Variants in RAB30 observed in about 807,000 individuals in gnomAD.
RAB30 encodes the protein ras-related protein Rab-30.
RAB30 carries 9 observed loss-of-function variants against 25.1 expected under a neutral mutation model. The ratio of observed to expected loss-of-function variants is 0.36; its 90% CI spans 0.22 to 0.63. RAB30 has a LOEUF of 0.63. RAB30 is among the 20% of genes least tolerant of loss of function. The probability of loss-of-function intolerance (pLI) is 0.69; values close to 1 mark genes in which losing one functional copy is unlikely to be tolerated. For synonymous variants in RAB30, 77 were observed against 86.4 expected (o/e 0.89, Z 0.60); for missense variants, 140 against 243.5 (o/e 0.58, Z 2.83).
At chr11:83,015,959 G>A (rs374565205) in intron 1 of RAB30, among the ~76,000 whole-genome samples, 8 of 152,164 alleles carry the variant, frequency 5.3e-5, no homozygotes, top group Non-Finnish European at 4.4e-5. Flanking sequence ...GCAACATGAC[G>A]AAACCCTATC....
intron 1 of RAB30, chr11:83,035,693 T>C (rs1857972362): frequency 6.6e-6 from 1 of 152,212 alleles, no homozygotes; most frequent in Non-Finnish European, 1.5e-5. Flanking sequence ...GGCCACACGA[T>C]GTTAGGTTTG....
rs114804254 is a variant in RAB30 at position 82,978,942 on chromosome 11, C to G, written c.*3223G>C. On this transcript the variant is annotated 3_prime_UTR_variant, in exon 5 of 5. Transcript: ENST00000527633. ...TTTTTAGTTTTCTTGCCACTTTACT[C>G]AGGGAGAGATAAAAACGTGAAATGA... The G allele has an allele frequency of 6.6e-6, 1 of 151,928 alleles. No individual in the cohort carries two copies. Among genetic ancestry groups the G allele is most frequent in the East Asian group, 1.9e-4 (1 of 5,188 alleles). The allele number at this position is 151,928 out of a possible 1,614,324, so 9.4% of individuals were successfully genotyped here.
intron 1 of RAB30, among the ~76,000 whole-genome samples, chr11:83,061,904 A>C (rs555690574): frequency 6.6e-6 from 1 of 151,954 alleles, no homozygotes; most frequent in East Asian, 1.9e-4. Flanking sequence ...AAGTTGGAAA[A>C]AGAATCAAAT....
intron 1 of RAB30, among the ~76,000 whole-genome samples, chr11:83,021,131 T>A (rs914262325): frequency 6.6e-6 from 1 of 152,214 alleles, no homozygotes; most frequent in Non-Finnish European, 1.5e-5. Context: ...TTCTCTGAGC[T>A]GTTGTATTGC....
intron 1 of RAB30, among the ~76,000 whole-genome samples, chr11:83,062,852 A>C (rs2121521186): frequency 6.6e-6 from 1 of 151,406 alleles, no homozygotes; most frequent in South Asian, 2.1e-4. Context: ...AATACAAAAA[A>C]ATTAGCCAGG....
At chr11:83,033,055 C>CCT (rs1565284142) in intron 1 of RAB30, among the ~76,000 whole-genome samples, 98 of 77,864 alleles carry the variant, frequency 1.3e-3, no homozygotes, top group Non-Finnish European at 2.0e-3. Flanking sequence ...GCCTCAAATT[C>CCT]TTTTTTTTTT....
At chr11:82,989,859 C>T (rs1007015398) in intron 3 of RAB30, among the ~76,000 whole-genome samples, 1 of 152,208 alleles carries the variant, frequency 6.6e-6, no homozygotes, top group East Asian at 1.9e-4. Flanking sequence ...AATTCATTTG[C>T]GCCTTTCGGC....
rs1364925167 is a variant in RAB30 at position 82,983,539 on chromosome 11, C to T, written c.362-1124G>A. 2.0e-5 allele frequency among the ~76,000 whole-genome samples: 3 copies of T among 152,154 alleles called. No homozygotes were observed. The East Asian group carries it at 5.8e-4, about 29-fold the overall frequency. ...CCACCTCCTGGGCTCAAGCCATCTT[C>T]TCCCACCTCAGCCTCCCAAGTAGCT... On this transcript the variant is annotated intron_variant, in intron 4 of 4. Transcript: ENST00000527633.
intron 1 of RAB30, among the ~76,000 whole-genome samples, chr11:83,033,580 C>A (rs965298817): frequency 6.6e-6 from 1 of 152,124 alleles, no homozygotes; most frequent in Non-Finnish European, 1.5e-5. Flanking sequence ...AAGCTGAAAT[C>A]CAGGAAAGTA....
intron 1 of RAB30, among the ~76,000 whole-genome samples, chr11:83,070,295 A>C (rs780388046): frequency 6.6e-6 from 1 of 152,228 alleles, no homozygotes; most frequent in Admixed American, 6.5e-5. Flanking sequence ...TCTACTACAA[A>C]GCCCATACAA....
intron 4 of RAB30, among the ~76,000 whole-genome samples, chr11:82,982,767 CAGA>C (rs2121429912): frequency 6.6e-6 from 1 of 152,208 alleles, no homozygotes; most frequent in South Asian, 2.1e-4. Context: ...GAGGCTGAGG[CAGA>C]AGAATCGCTT....
Position 83,046,049 on chromosome 11 carries a change from C to T in RAB30, c.-9+25642G>A, listed in dbSNP as rs1295970290. On this transcript the variant is annotated intron_variant, in intron 1 of 4. Transcript: ENST00000527633. ...CAGATAAACTGGTGAAACAAAGCAA[C>T]TGCCAAATAAATCACCTTTCTTCAG... is the stretch of plus-strand genomic sequence containing the variant. Among the ~76,000 whole-genome samples the T allele has an allele frequency of 2.0e-5, 3 of 152,210 alleles. No homozygotes were observed. In the East Asian group the frequency reaches 5.8e-4, roughly 29 times the overall value.
chr11:83,037,699 G>A (rs1020676253), intron 1 of RAB30, among the ~76,000 whole-genome samples: 17 of 152,106 alleles, frequency 1.1e-4, no homozygotes, highest in African/African-American at 3.6e-4. Flanking sequence ...CAAAATGCTC[G>A]TGAGATAGCC....
At chr11:82,988,448 T>C (rs1276095838) in intron 3 of RAB30, among the ~76,000 whole-genome samples, 1 of 152,230 alleles carries the variant, frequency 6.6e-6, no homozygotes, top group Non-Finnish European at 1.5e-5. Context: ...ACAGGAATCA[T>C]GCCATGGCAG....
intron 1 of RAB30, among the ~76,000 whole-genome samples, chr11:83,037,466 TC>T (rs1253714182): frequency 5.9e-5 from 9 of 152,160 alleles, no homozygotes; most frequent in African/African-American, 2.2e-4. Context: ...GCCGGACTGG[TC>T]TTGAACTCCT....
chr11:82,991,128 T>C (rs963893275), intron 3 of RAB30, among the ~76,000 whole-genome samples: 5 of 152,162 alleles, frequency 3.3e-5, no homozygotes, highest in Admixed American at 6.5e-5. Context: ...ACTGACTTTA[T>C]GAGGCTCTGG....
intron 1 of RAB30, among the ~76,000 whole-genome samples, chr11:83,027,864 G>C: frequency 6.6e-6 from 1 of 151,962 alleles, no homozygotes; most frequent in Admixed American, 6.6e-5. Context: ...GTATAGATTT[G>C]TCCATTCTGG....
At chr11:83,043,478 A>G (rs1411326820) in intron 1 of RAB30, among the ~76,000 whole-genome samples, 1 of 152,216 alleles carries the variant, frequency 6.6e-6, no homozygotes, top group Non-Finnish European at 1.5e-5. Flanking sequence ...CAGCTAGCTG[A>G]TCAAAGGCAA....
At chr11:82,995,599 G>A (rs184019747) in intron 2 of RAB30, among the ~76,000 whole-genome samples, 2 of 152,282 alleles carry the variant, frequency 1.3e-5, no homozygotes, top group African/African-American at 4.8e-5. Context: ...GGAGCTGGGA[G>A]GGGTAAAACG....
Sources: allele counts gnomAD v4.1 joint callset (sites outside exome capture counted in the v4.1 genomes callset), GRCh38; gene constraint gnomAD v4.1.1; transcripts MANE v1.5; gene names NCBI Gene and HGNC (gene_info 2026-07-23, HGNC 2026-07-21).